The following DCAF6 variants were observed in gnomAD, a reference collection of about 807,000 sequenced individuals.
The protein encoded by DCAF6 is DDB1- and CUL4-associated factor 6.
A neutral mutation model predicts 125.1 loss-of-function variants in DCAF6; 54 were observed. That is an observed-to-expected ratio of 0.43 (90% CI 0.35 to 0.54). DCAF6 has a LOEUF of 0.54. Ranked by LOEUF, DCAF6 falls within the 20% of genes least tolerant of loss-of-function variation. The pLI is 0.01. For synonymous variants in DCAF6, 371 were observed against 390.4 expected, an observed-to-expected ratio of 0.95 and a Z score of 0.58; for missense variants, 934 against 1,161.7, an observed-to-expected ratio of 0.80 and a Z score of 2.85.
At chr1:167,916,347 C>T in the DCAF6 span, among the ~76,000 whole-genome samples, 1 of 152,150 alleles carries the variant, frequency 6.6e-6, no homozygotes, top group African/African-American at 2.4e-5. Context: ...GCTGGGATTA[C>T]AGGCGTGCGC....
chr1:167,893,886 T>C, the DCAF6 span: 3 of 1,613,568 alleles, frequency 1.9e-6, no homozygotes, highest in Non-Finnish European at 2.5e-6. Context: ...CATACTTTTG[T>C]AGGGACATCT....
rs902334211 is a variant in DCAF6, at chr1:168,050,882, C to G, written c.2259-10C>G. The G allele has an allele frequency of 1.5e-6, 2 of 1,344,074 alleles. No homozygotes were observed. Among genetic ancestry groups the G allele is most frequent in the Non-Finnish European group, 2.0e-6 (2 of 1,018,832 alleles). The allele number at this position is 1,344,074 out of a possible 1,614,324, so 83.3% of individuals were successfully genotyped here. A position where few individuals can be genotyped will look rare whatever the true frequency, so the allele number is the denominator to read the frequency against. ...GTAAGTGATTTCAGTTATTGTGTTC[C>G]CTTCACTAGATTTAATATCAGAGGA... On this transcript the variant is annotated splice_polypyrimidine_tract_variant and intron_variant, in intron 16 of 21. Coordinates refer to ENST00000367840, the MANE Select transcript of DCAF6 (RefSeq NM_001198956.2).
chr1:167,883,946 A>T, the DCAF6 span, among the ~76,000 whole-genome samples: 1 of 152,142 alleles, frequency 6.6e-6, no homozygotes, highest in Non-Finnish European at 1.5e-5. Flanking sequence ...TCCTATTTTT[A>T]AAAAAATTTA....
chr1:167,899,470 G>T, the DCAF6 span: 1 of 1,614,112 alleles, frequency 6.2e-7, no homozygotes, highest in African/African-American at 1.3e-5. Flanking sequence ...ATCATGCTCC[G>T]GTCACAGAGC....
In DCAF6 at chr1:168,049,816, C is replaced by T. The variant is rs1689661312; in HGVS notation, c.2259-1076C>T. 4.6e-5 allele frequency among the ~76,000 whole-genome samples: 7 copies of T among 150,984 alleles called. No individual in the cohort carries two copies. The South Asian group carries it at 1.5e-3, about 32-fold the overall frequency. On this transcript the variant is annotated intron_variant, in intron 16 of 21. Coordinates refer to ENST00000367840, the MANE Select transcript of DCAF6 (RefSeq NM_001198956.2). ...GACTACAGGCGCCTGCCACCACGCC[C>T]AGCTAATTTTTTGTATTTTTAGTAG...
At chr1:167,979,773 G>C (rs1401366648) in intron 4 of DCAF6, among the ~76,000 whole-genome samples, 1 of 152,176 alleles carries the variant, frequency 6.6e-6, no homozygotes, top group Non-Finnish European at 1.5e-5. Flanking sequence ...TGTAGTCCCA[G>C]CTACTCAGGA....
At chr1:168,024,822 A>AT (rs1396280018) in intron 12 of DCAF6, among the ~76,000 whole-genome samples, 1 of 151,068 alleles carries the variant, frequency 6.6e-6, no homozygotes, top group African/African-American at 2.5e-5. Context: ...AAAAAAAAAA[A>AT]GATTATTCCT....
the DCAF6 span, among the ~76,000 whole-genome samples, chr1:167,870,758 G>A: frequency 3.3e-5 from 5 of 151,508 alleles, no homozygotes; most frequent in African/African-American, 1.2e-4. Context: ...GCAGCGAGCC[G>A]GGATCCTGCC....
intron 10 of DCAF6, among the ~76,000 whole-genome samples, chr1:168,012,490 T>A (rs1350669165): frequency 6.6e-6 from 1 of 152,246 alleles, no homozygotes; most frequent in Non-Finnish European, 1.5e-5. Flanking sequence ...TATTCAATTT[T>A]CAGTTTGGGT....
At chr1:167,946,617 A>G (rs187013340) in intron 1 of DCAF6, among the ~76,000 whole-genome samples, 53 of 152,224 alleles carry the variant, frequency 3.5e-4, no homozygotes, top group African/African-American at 1.2e-3. Flanking sequence ...TTTCGCGTCT[A>G]TTAAGATGAT....
the DCAF6 span, among the ~76,000 whole-genome samples, chr1:167,925,651 A>G: frequency 2.0e-5 from 3 of 148,200 alleles, no homozygotes; most frequent in African/African-American, 7.5e-5. Flanking sequence ...GGTTCAAGTG[A>G]TTCTCTTGCC....
chr1:168,007,994 A>ATG, intron 10 of DCAF6, among the ~76,000 whole-genome samples: 1 of 107,770 alleles, frequency 9.3e-6, no homozygotes, highest in African/African-American at 3.6e-5. Flanking sequence ...TTTTTTAAAG[A>ATG]CAGTCTCACT....
At chr1:167,963,323 G>C (rs1015317834) in intron 2 of DCAF6, among the ~76,000 whole-genome samples, 3 of 151,342 alleles carry the variant, frequency 2.0e-5, no homozygotes, top group Admixed American at 6.6e-5. Flanking sequence ...AGGGATTACT[G>C]GTATAGTTGG....
At chr1:167,865,374 A>T in the DCAF6 span, among the ~76,000 whole-genome samples, 136 of 152,332 alleles carry the variant, frequency 8.9e-4, no homozygotes, top group East Asian at 1.9e-3. Flanking sequence ...TTAAAGTAAA[A>T]ATGCAACAGG....
In DCAF6 at chr1:168,065,705, A is replaced by G; in HGVS notation, c.2555A>G (p.Asn852Ser). The part of the protein sequence containing the change: ...AEHLMLLEAD[N>S]HVVNCLQPHP... ...CATTTGATGCTTCTGGAAGCTGATA[A>G]TCATGTGGTAAACTGCCTGCAGCCA... Residue 852 changes from asparagine (N) to serine (S), a missense_variant, in exon 19 of 22, where the codon AAT (asparagine) becomes AGT (serine). Physicochemically the swap from Asn to Ser is conservative, Grantham distance 46. This residue lies in a region of DCAF6 where 27 missense variants were observed against 85.1 expected (regional missense o/e 0.32). Coordinates refer to ENST00000367840, the MANE Select transcript of DCAF6 (RefSeq NM_001198956.2). 1 of 1,613,092 alleles carries G rather than the reference A, an allele frequency of 6.2e-7. No homozygotes were observed. Among genetic ancestry groups the G allele is most frequent in the Non-Finnish European group, 8.5e-7 (1 of 1,179,380 alleles).
At chr1:168,012,296 GT>G (rs1224613738) in intron 10 of DCAF6, among the ~76,000 whole-genome samples, 1 of 152,202 alleles carries the variant, frequency 6.6e-6, no homozygotes, top group Non-Finnish European at 1.5e-5. Context: ...AGCTGTTTTT[GT>G]TGTTCTTCTG....
At chr1:167,909,242 T>C in the DCAF6 span, among the ~76,000 whole-genome samples, 1 of 152,342 alleles carries the variant, frequency 6.6e-6, no homozygotes, top group Non-Finnish European at 1.5e-5. Flanking sequence ...TAGTATTCCA[T>C]CACCTGATGG....
intron 1 of DCAF6, among the ~76,000 whole-genome samples, chr1:167,940,468 C>T (rs1672071454): frequency 6.6e-6 from 1 of 151,318 alleles, no homozygotes; most frequent in African/African-American, 2.4e-5. Context: ...CCTCCACGTC[C>T]TGGGCTCAAG....
chr1:168,038,455 C>T lies in DCAF6; in HGVS notation c.1694C>T (p.Thr565Ile). 1 of 1,609,214 alleles carries T rather than the reference C, an allele frequency of 6.2e-7. No homozygotes were observed. The highest frequency in any genetic ancestry group is 2.2e-5 in the East Asian group (1 of 44,718). ...SLHYSTEGTT[T>I]STIKLNFTDE... is the part of the protein sequence containing the mutation. ...CACTACAGCACAGAAGGAACAACTA[C>T]AAGCACAATAAAACTGAACTTTACA... The change falls in exon 13 of 22, where the codon ACA (threonine) becomes ATA (isoleucine). Residue 565 changes from threonine (T) to isoleucine (I), a missense_variant. Thr to Ile is a moderately conservative substitution (Grantham distance 89). Coordinates refer to ENST00000367840, the MANE Select transcript of DCAF6 (RefSeq NM_001198956.2).
Sources: gnomAD v4.1 joint callset for allele counts (sites outside exome capture counted in the v4.1 genomes callset) on GRCh38, gnomAD v4.1.1 for gene constraint, gnomAD v4.1.1 regional missense constraint, MANE v1.5 for transcripts, NCBI Gene and HGNC (gene_info 2026-07-23, HGNC 2026-07-21) for gene names.